Variants in SLC2A12 observed in about 807,000 individuals in gnomAD.
SLC2A12 encodes the protein solute carrier family 2 member 12, also known as solute carrier family 2, facilitated glucose transporter member 12.
A neutral mutation model predicts 41.8 loss-of-function variants in SLC2A12; 23 were observed. That is an observed-to-expected ratio of 0.55 (90% CI 0.40 to 0.78). SLC2A12 has a LOEUF of 0.78. Among genes scored for constraint, SLC2A12 ranks in the 30% least tolerant of loss-of-function variants. The pLI is 0.00. For missense variants in SLC2A12, 654 were observed against 745.6 expected (o/e 0.88, Z 1.43); for synonymous variants, 295 against 285.9 (o/e 1.03, Z -0.32).
chr6:134,022,879 G>T (rs967469271), intron 2 of SLC2A12, among the ~76,000 whole-genome samples: 1 of 152,174 alleles, frequency 6.6e-6, no homozygotes, highest in African/African-American at 2.4e-5. Context: ...CTTATTGCAA[G>T]GAAATCCCTC....
intron 3 of SLC2A12, among the ~76,000 whole-genome samples, chr6:134,004,291 G>A (rs1407809010): frequency 2.6e-5 from 4 of 152,160 alleles, no homozygotes; most frequent in Non-Finnish European, 5.9e-5. Flanking sequence ...TGTGTGATCT[G>A]AGTAGGACCA....
In SLC2A12 at chr6:133,990,907, C is replaced by G; in HGVS notation, c.*248G>C. ...TAGAAAGTATTAAACCAGCCAGTAA[C>G]TTTTTTTTTTTAACCTGATATCCTG... On this transcript the variant is annotated 3_prime_UTR_variant, in exon 5 of 5. Coordinates refer to ENST00000275230, the MANE Select transcript of SLC2A12 (RefSeq NM_145176.3). 1 of 334,230 alleles carries G rather than the reference C, an allele frequency of 3.0e-6. No homozygotes were observed. The highest frequency in any genetic ancestry group is 2.2e-5 in the African/African-American group (1 of 45,684). 20.7% of individuals were successfully genotyped at this position (334,230 alleles called of 1,614,324 possible). A position where few individuals can be genotyped will look rare whatever the true frequency, so the allele number is the denominator to read the frequency against.
intron 4 of SLC2A12, among the ~76,000 whole-genome samples, chr6:133,991,796 A>T (rs561689962): frequency 6.6e-6 from 1 of 152,288 alleles, no homozygotes; most frequent in African/African-American, 2.4e-5. Flanking sequence ...CTTTTCAAAT[A>T]CCTTTTTCTG....
rs1776556608 is a variant in SLC2A12 at position 133,987,661 on chromosome 6, T to C, written c.*3494A>G. 6.7e-6 allele frequency: 1 copy of C among 149,050 alleles called. No homozygotes were observed. The highest frequency in any genetic ancestry group is 3.5e-3 in the Middle Eastern group (1 of 286). The allele number at this position is 149,050 out of a possible 1,614,324, so 9.2% of individuals were successfully genotyped here. ...GTGTGTGTGTGTGTATATATATATATATATATGCACCACATGTGTATAGTA... is the reference window on the plus strand; with the variant it reads ...GTGTGTGTGTGTGTATATATATATACATATATGCACCACATGTGTATAGTA... On this transcript the variant is annotated 3_prime_UTR_variant, in exon 5 of 5. Transcript: ENST00000275230.
At chr6:133,994,808 G>C (rs1003223318) in intron 4 of SLC2A12, among the ~76,000 whole-genome samples, 4 of 152,174 alleles carry the variant, frequency 2.6e-5, no homozygotes, top group Non-Finnish European at 5.9e-5. Context: ...CTAAGCCCCA[G>C]GGCACACCAA....
chr6:134,022,100 G>A (rs1777048286), intron 2 of SLC2A12, among the ~76,000 whole-genome samples: 2 of 152,246 alleles, frequency 1.3e-5, no homozygotes, highest in South Asian at 4.1e-4. Flanking sequence ...ATAGAGCTGG[G>A]TGAGATAATG....
chr6:134,003,158 G>A (rs1047374643), intron 3 of SLC2A12, among the ~76,000 whole-genome samples: 7 of 152,180 alleles, frequency 4.6e-5, no homozygotes, highest in African/African-American at 1.4e-4. Context: ...TGAAAGAATC[G>A]AAGCATAGTA....
At chr6:134,049,482 T>C (rs1773643440) in intron 1 of SLC2A12, among the ~76,000 whole-genome samples, 1 of 152,224 alleles carries the variant, frequency 6.6e-6, no homozygotes, top group African/African-American at 2.4e-5. Flanking sequence ...ATCCTCTGTG[T>C]GACCGTGGGC....
chr6:133,989,422 C>CA lies in SLC2A12; in HGVS notation c.*1732dup, dbSNP rs1008516345. On this transcript the variant is annotated 3_prime_UTR_variant, in exon 5 of 5. Coordinates refer to ENST00000275230, the MANE Select transcript of SLC2A12 (RefSeq NM_145176.3). ...GTAATAAACTGGCTAGGTTGATAAACAATTTCCTGCCCATTTATAATGAAG... is the reference window on the plus strand; with the variant it reads ...GTAATAAACTGGCTAGGTTGATAAACAAATTTCCTGCCCATTTATAATGAAG... The CA allele has an allele frequency of 1.2e-4, 18 of 152,198 alleles. No individual in the cohort carries two copies. The highest frequency in any genetic ancestry group is 3.4e-3 in the Middle Eastern group (1 of 292). 9.4% of individuals were successfully genotyped at this position (152,198 alleles called of 1,614,324 possible).
At chr6:134,052,310 C>G in intron 1 of SLC2A12, 68 bp downstream of exon 1, 1 of 1,125,884 alleles carries the variant, frequency 8.9e-7, no homozygotes, top group Non-Finnish European at 1.3e-6. Flanking sequence ...ACTCAAGAGA[C>G]AGTACACTCG....
At position 134,029,422 on chromosome 6, in the gene SLC2A12, C is replaced by T; in HGVS notation, c.403G>A (p.Val135Met). ...GAGACCCCTATGGCAATGCGTCCCA[C>T]TATAAGAACCGTGTAGGATAAACTG... ...ILSLSYTVLI[V>M]GRIAIGVSIS... The change falls in exon 2 of 5, where the codon GTG (valine) becomes ATG (methionine). Residue 135 changes from valine (V) to methionine (M), a missense_variant. By Grantham distance (21) the Val-to-Met change is conservative. This residue lies in a region of SLC2A12 where 411 missense variants were observed against 412.1 expected (regional missense o/e 1.00). Coordinates refer to ENST00000275230, the MANE Select transcript of SLC2A12 (RefSeq NM_145176.3). 6.2e-7 allele frequency: 1 copy of T among 1,614,156 alleles called. No individual in the cohort carries two copies. Among genetic ancestry groups the T allele is most frequent in the Non-Finnish European group, 8.5e-7 (1 of 1,180,042 alleles).
rs1401407665 is a variant in SLC2A12, at chr6:134,030,004, G to A, written c.104-283C>T. 2.6e-5 allele frequency among the ~76,000 whole-genome samples: 4 copies of A among 152,178 alleles called. No homozygotes were observed. The South Asian group carries it at 6.2e-4, about 24-fold the overall frequency. On this transcript the variant is annotated intron_variant, in intron 1 of 4. Transcript: ENST00000275230. ...TTGGTTTAGATCAGACAGTGATGTT[G>A]AGATAAGCAGATGACACATGATGAA...
At chr6:134,032,405 AATATATATATATATATATATTTAT>A (rs1199764963) in intron 1 of SLC2A12, among the ~76,000 whole-genome samples, 2 of 118,068 alleles carry the variant, frequency 1.7e-5, no homozygotes, top group South Asian at 2.4e-4. Flanking sequence ...TACAGGGAGA[AATATATATATATATATATATTTAT>A]ATATATATAT....
chr6:134,034,864 G>A (rs764515), intron 1 of SLC2A12, among the ~76,000 whole-genome samples: 8,809 of 152,148 alleles, frequency 0.058, 532 homozygotes, highest in African/African-American at 0.15. Context: ...ATGAAGTAGA[G>A]CATTCCCAGT....
intron 1 of SLC2A12, among the ~76,000 whole-genome samples, chr6:134,042,423 G>A (rs1582626750): frequency 6.6e-6 from 1 of 151,990 alleles, no homozygotes; most frequent in Non-Finnish European, 1.5e-5. Context: ...CTATGGGAGA[G>A]AGCGAGAGGG....
At chr6:134,038,685 T>C (rs1205356909) in intron 1 of SLC2A12, among the ~76,000 whole-genome samples, 2 of 147,010 alleles carry the variant, frequency 1.4e-5, no homozygotes, top group African/African-American at 5.1e-5. Context: ...CTTTTATCCT[T>C]TCTTCCTTTC....
intron 2 of SLC2A12, among the ~76,000 whole-genome samples, chr6:134,009,437 G>T (rs1459623150): frequency 6.6e-6 from 1 of 152,066 alleles, no homozygotes; most frequent in East Asian, 1.9e-4. Context: ...AGAATTGATG[G>T]CTTGGTTTAT....
intron 2 of SLC2A12, among the ~76,000 whole-genome samples, chr6:134,007,907 C>G (rs1249901091): frequency 2.0e-5 from 3 of 152,104 alleles, no homozygotes; most frequent in Admixed American, 2.0e-4. Context: ...TGGCATTATC[C>G]CTAGTAGTCT....
At chr6:134,001,184 A>G (rs1776750253) in intron 4 of SLC2A12, among the ~76,000 whole-genome samples, 1 of 152,100 alleles carries the variant, frequency 6.6e-6, no homozygotes, top group South Asian at 2.1e-4. Flanking sequence ...GGTGGGGGAT[A>G]AAAGACTACA....
Sources: allele counts gnomAD v4.1 joint callset (sites outside exome capture counted in the v4.1 genomes callset), GRCh38; gene constraint gnomAD v4.1.1; regional missense constraint gnomAD v4.1.1; transcripts MANE v1.5; gene names NCBI Gene and HGNC (gene_info 2026-07-23, HGNC 2026-07-21).